CHRNE: variants seen among roughly 807,000 people sequenced by gnomAD.
The protein encoded by CHRNE is cholinergic receptor nicotinic epsilon subunit.
Under a neutral mutation model 56.5 loss-of-function variants are expected in CHRNE, and 58 were observed. The ratio of observed to expected loss-of-function variants is 1.03; its 90% CI spans 0.83 to 1.28. The LOEUF is 1.28. Ranked by LOEUF, CHRNE falls within the 50% of genes most tolerant of loss-of-function variation. The pLI, the probability that CHRNE is intolerant of heterozygous loss-of-function variation, is 0.00. For missense variants in CHRNE, 793 were observed against 688.9 expected, an observed-to-expected ratio of 1.15 and a Z score of -1.69; for synonymous variants, 385 against 297.9, an observed-to-expected ratio of 1.29 and a Z score of -3.01.
At position 4,902,091 on chromosome 17, in the gene CHRNE, T is replaced by G; in HGVS notation, c.345-4A>C. 1 of 1,613,936 alleles carries G rather than the reference T, an allele frequency of 6.2e-7. No homozygotes were observed. The highest frequency in any genetic ancestry group is 8.5e-7 in the Non-Finnish European group (1 of 1,179,974). On this transcript the variant is annotated splice_region_variant and splice_polypyrimidine_tract_variant and intron_variant, in intron 4 of 11. Transcript: ENST00000649488. This position sits in a 1 kb window ranked among gnomAD's most constrained non-coding sequence, Gnocchi z 4.0. Reference sequence around the variant, plus strand: ...CACTCCGAACTGGCCATCAATACTGTGGGCTCGGGGAAACCGAGCTTTTTG... The same window carrying G: ...CACTCCGAACTGGCCATCAATACTGGGGGCTCGGGGAAACCGAGCTTTTTG...
chr17:4,899,638 C>CCG (rs1969889209), intron 8 of CHRNE, 56 bp from the exon 9 acceptor site: 2 of 1,476,576 alleles, frequency 1.4e-6, no homozygotes, highest in Admixed American at 3.9e-5. Context: ...ACCGAAGGCG[C>CCG]CGCGCGCTGA....
In CHRNE at chr17:4,901,571, G is replaced by A. The variant is rs137952354; in HGVS notation, c.555C>T (p.Asp185=). ...TGTCGATCTTGTTGATGGTCTTGCC[G>A]TCGTTGTCTACGGCAAAAGTGAACT... is the stretch of plus-strand genomic sequence containing the variant. The part of the protein sequence containing the change: ...EVEFTFAVDN[D]GKTINKIDID... The change falls in exon 6 of 12, where the codon GAC becomes GAT. Residue 185 remains aspartate (D), a synonymous_variant. Transcript: ENST00000649488. The A allele has an allele frequency of 1.8e-4, 288 of 1,614,188 alleles. 1 individual carries two copies. In the African/African-American group the frequency reaches 2.7e-3, roughly 15 times the overall value.
chr17:4,901,808 G>A, intron 5 of CHRNE, 124 bp downstream of exon 5: 2 of 1,430,792 alleles, frequency 1.4e-6, no homozygotes, highest in Non-Finnish European at 2.0e-6. Flanking sequence ...CCCACCCAGT[G>A]CCTACGCCTG....
chr17:4,901,882 AGG>A, intron 5 of CHRNE, 48 bp downstream of exon 5: 1 of 1,484,020 alleles, frequency 6.7e-7, no homozygotes. Flanking sequence ...CCGCCCCATA[AGG>A]CCCCCCCCCA....
At chr17:4,904,232 T>C (rs551831396), upstream of CHRNE, among the ~76,000 whole-genome samples, 1 of 152,114 alleles carries the variant, frequency 6.6e-6, no homozygotes, top group African/African-American at 2.4e-5. Context: ...GATCTCACTC[T>C]GTCACCCAGA....
In CHRNE at chr17:4,898,749, CA is replaced by C; in HGVS notation, c.1468del (p.Cys490ValfsTer17). ...AGTCGGTGCGAGCTAAGGCTGGATA[CA>C]CGGCGCGTAGGGGAGATCAGGCACT... ...NRVPDLPYAP[C>X]IQP On this transcript the variant is annotated frameshift_variant, in exon 12 of 12. Transcript: ENST00000649488. LOFTEE classifies it high-confidence loss of function. 1 of 1,611,060 alleles carries C rather than the reference CA, an allele frequency of 6.2e-7. No individual in the cohort carries two copies.
At chr17:4,903,395 G>A (rs1970044822), upstream of CHRNE, among the ~76,000 whole-genome samples, 1 of 152,236 alleles carries the variant, frequency 6.6e-6, no homozygotes, top group East Asian at 1.9e-4. Context: ...CTTTCAGCAG[G>A]CACTGTTGTC....
In CHRNE at chr17:4,898,819, T is replaced by G. The variant is rs778042648; in HGVS notation, c.1399A>C (p.Ser467Arg). The change falls in exon 12 of 12, where the codon AGC (serine) becomes CGC (arginine). Residue 467 changes from serine to arginine, a missense_variant. Transcript: ENST00000649488. ...ICFWAALVLFSVGSSLIFLGA... is the reference protein window; with the variant it reads ...ICFWAALVLFRVGSSLIFLGA... ...AGGAAGATGAGGCTGGAGCCCACGC[T>G]GAAGAGCACCAGAGCGGCCCAGAAG... 1 of 1,603,272 alleles carries G rather than the reference T, an allele frequency of 6.2e-7. No homozygotes were observed. Among genetic ancestry groups the G allele is most frequent in the Non-Finnish European group, 8.5e-7 (1 of 1,175,660 alleles).
upstream of CHRNE, among the ~76,000 whole-genome samples, chr17:4,904,653 G>A: frequency 6.6e-6 from 1 of 152,162 alleles, no homozygotes. Flanking sequence ...CACACAAGTA[G>A]ATTGGCAATA....
chr17:4,903,303 C>T (rs973938639), upstream of CHRNE, among the ~76,000 whole-genome samples: 5 of 152,128 alleles, frequency 3.3e-5, no homozygotes, highest in African/African-American at 9.7e-5. Context: ...TGGTATTTGG[C>T]CAACTCCCCA....
chr17:4,908,489 C>T (rs114671988), intron 1 of CHRNE, among the ~76,000 whole-genome samples: 2 of 123,226 alleles, frequency 1.6e-5, no homozygotes, highest in South Asian at 2.2e-4. Flanking sequence ...TTCCTGCCAG[C>T]GCTGGGAGCA....
In CHRNE at chr17:4,900,898, T is replaced by C; in HGVS notation, c.812A>G (p.Gln271Arg). The C allele has an allele frequency of 6.2e-7, 1 of 1,614,144 alleles. No individual in the cohort carries two copies. Among genetic ancestry groups the C allele is most frequent in the Non-Finnish European group, 8.5e-7 (1 of 1,179,986 alleles). The change falls in exon 8 of 12, where the codon CAG (glutamine) becomes CGG (arginine). Residue 271 changes from glutamine to arginine, a missense_variant. Coordinates refer to ENST00000649488, the MANE Select transcript of CHRNE (RefSeq NM_000080.4). Reference sequence around the variant, plus strand: ...GACGTTGATGGAGACCGTGCATTTCTGGCCGCCGGCTGGAGGGAGAGCCAG... The same window carrying C: ...GACGTTGATGGAGACCGTGCATTTCCGGCCGCCGGCTGGAGGGAGAGCCAG... ...AYFLPAQAGG[Q>R]KCTVSINVLL... is the part of the protein sequence containing the mutation.
Position 4,902,369 on chromosome 17 carries a change from A to T in CHRNE, c.235-43T>A, listed in dbSNP as rs1329886992. Reference sequence around the variant, plus strand: ...GAAGGCCGCGTGCCCTGCATCTCCCACCTGGCGCTGCCTGGGAGGGGTTTG... The same window carrying T: ...GAAGGCCGCGTGCCCTGCATCTCCCTCCTGGCGCTGCCTGGGAGGGGTTTG... On this transcript the variant is annotated intron_variant, in intron 3 of 11. Transcript: ENST00000649488. This position sits in a 1 kb window ranked among gnomAD's most constrained non-coding sequence, Gnocchi z 4.0. The T allele has an allele frequency of 6.2e-7, 1 of 1,613,000 alleles. No homozygotes were observed. Among genetic ancestry groups the T allele is most frequent in the Non-Finnish European group, 8.5e-7 (1 of 1,179,158 alleles).
In CHRNE at chr17:4,902,900, G is replaced by C. The variant is rs1223135367; in HGVS notation, c.46+118C>G. 2.4e-5 allele frequency: 38 copies of C among 1,581,162 alleles called. No homozygotes were observed. The highest frequency in any genetic ancestry group is 2.9e-5 in the Non-Finnish European group (33 of 1,151,016). On this transcript the variant is annotated intron_variant, in intron 1 of 11. Transcript: ENST00000649488. The surrounding 1 kb of genome is among the most constrained non-coding windows in gnomAD (Gnocchi z 4.0). Reference sequence around the variant, plus strand: ...ATCTGTCTCCTAAACCAATTATGCTGTGCCTGGGAACGAAATACTGTGTCT... The same window carrying C: ...ATCTGTCTCCTAAACCAATTATGCTCTGCCTGGGAACGAAATACTGTGTCT...
upstream of CHRNE, among the ~76,000 whole-genome samples, chr17:4,907,909 G>C (rs1970111506): frequency 1.3e-5 from 2 of 152,114 alleles, no homozygotes; most frequent in Non-Finnish European, 2.9e-5. Flanking sequence ...GGGCACGGTG[G>C]CTCACACCAG....
Position 4,902,303 on chromosome 17 carries a change from G to C in CHRNE, c.258C>G (p.Asn86Lys). Reference sequence around the variant, plus strand: ...TACCCCCAAAGTCGTCCTTGCTGTAGTTGAGTCGGTAATCCTGCCAATCCT... The same window carrying C: ...TACCCCCAAAGTCGTCCTTGCTGTACTTGAGTCGGTAATCCTGCCAATCCT... ...IGIDWQDYRL[N>K]YSKDDFGGIE... Residue 86 changes from asparagine to lysine, a missense_variant, in exon 4 of 12, where the codon AAC becomes AAG. Asn to Lys is a moderately conservative substitution (Grantham distance 94). Transcript: ENST00000649488. The surrounding 1 kb of genome is among the most constrained non-coding windows in gnomAD (Gnocchi z 4.0). The C allele has an allele frequency of 6.2e-7, 1 of 1,614,196 alleles. No homozygotes were observed. Among genetic ancestry groups the C allele is most frequent in the Non-Finnish European group, 8.5e-7 (1 of 1,180,030 alleles).
chr17:4,898,801 T>C lies in CHRNE; in HGVS notation c.1417A>G (p.Ile473Val), dbSNP rs757902679. The C allele has an allele frequency of 6.2e-7, 1 of 1,607,378 alleles. No homozygotes were observed. The highest frequency in any genetic ancestry group is 8.5e-7 in the Non-Finnish European group (1 of 1,177,480). The change falls in exon 12 of 12, where the codon ATC becomes GTC. Residue 473 changes from isoleucine to valine, a missense_variant. Coordinates refer to ENST00000649488, the MANE Select transcript of CHRNE (RefSeq NM_000080.4). The stretch of plus-strand genomic sequence containing the variant: ...CGGTTGAAGTAGGCCCCGAGGAAGA[T>C]GAGGCTGGAGCCCACGCTGAAGAGC... ...LVLFSVGSSLIFLGAYFNRVP... is the reference protein window; with the variant it reads ...LVLFSVGSSLVFLGAYFNRVP...
chr17:4,900,514 C>A, intron 8 of CHRNE: 1 of 1,550,860 alleles, frequency 6.4e-7, no homozygotes. Context: ...CCGGTGAGCT[C>A]AGGACACGGG....
chr17:4,900,143 G>A (rs1227903929), intron 8 of CHRNE: 1 of 1,549,938 alleles, frequency 6.5e-7, no homozygotes, highest in Non-Finnish European at 8.7e-7. Context: ...CACCTTGTTA[G>A]AGGTGGGGTA....
Sources: allele counts gnomAD v4.1 joint callset (sites outside exome capture counted in the v4.1 genomes callset), GRCh38; gene constraint gnomAD v4.1.1; non-coding constraint Gnocchi (gnomAD v3.1); transcripts MANE v1.5; gene names NCBI Gene and HGNC (gene_info 2026-07-23, HGNC 2026-07-21).